DYNC2LI1: variants seen among roughly 807,000 people sequenced by gnomAD.
The protein encoded by DYNC2LI1 is dynein cytoplasmic 2 light intermediate chain 1.
A neutral mutation model predicts 51.9 loss-of-function variants in DYNC2LI1; 45 were observed. That is an observed-to-expected ratio of 0.87 (90% CI 0.68 to 1.11). The LOEUF (loss-of-function observed/expected upper bound fraction) is 1.11. DYNC2LI1 is among the 50% of genes most tolerant of loss of function. The pLI is 0.00. For missense variants in DYNC2LI1, 490 were observed against 417.4 expected (o/e 1.17, Z -1.51); for synonymous variants, 130 against 137.8 (o/e 0.94, Z 0.40).
the DYNC2LI1 span, among the ~76,000 whole-genome samples, chr2:43,820,509 C>T: frequency 7.2e-5 from 11 of 152,314 alleles, no homozygotes; most frequent in African/African-American, 2.4e-4. Flanking sequence ...CCAGCACCCC[C>T]TTCCCTGAAC....
At chr2:43,804,277 G>A (rs1666166497) in intron 10 of DYNC2LI1, among the ~76,000 whole-genome samples, 1 of 152,112 alleles carries the variant, frequency 6.6e-6, no homozygotes, top group Admixed American at 6.5e-5. Flanking sequence ...ATTTTTCACT[G>A]ATAACAAATT....
At chr2:43,814,442 C>T (rs1666686353), downstream of DYNC2LI1, 1 of 1,376,616 alleles carries the variant, frequency 7.3e-7, no homozygotes, top group African/African-American at 1.4e-5. Flanking sequence ...CTCAGAGTAA[C>T]ATGCAAAAAT....
downstream of DYNC2LI1, chr2:43,813,186 GA>G: frequency 6.4e-7 from 1 of 1,571,130 alleles, no homozygotes; most frequent in Non-Finnish European, 8.8e-7. Flanking sequence ...TGGAATAAAT[GA>G]ATACAAAATC....
intron 6 of DYNC2LI1, among the ~76,000 whole-genome samples, chr2:43,795,676 A>T (rs1674004092): frequency 1.3e-5 from 2 of 152,194 alleles, no homozygotes; most frequent in Non-Finnish European, 2.9e-5. Flanking sequence ...AATAAATATC[A>T]TAGTAATTTA....
chr2:43,817,008 C>G, the DYNC2LI1 span, among the ~76,000 whole-genome samples: 4 of 152,132 alleles, frequency 2.6e-5, no homozygotes, highest in African/African-American at 7.2e-5. Flanking sequence ...GGCAGTTCAC[C>G]CAGAAAGATG....
the DYNC2LI1 span, among the ~76,000 whole-genome samples, chr2:43,818,573 T>C: frequency 6.6e-6 from 1 of 152,162 alleles, no homozygotes; most frequent in African/African-American, 2.4e-5. Context: ...TCAAATAATA[T>C]AAAAGAGGAA....
At chr2:43,825,129 CAAG>C in the DYNC2LI1 span, 1 of 1,333,656 alleles carries the variant, frequency 7.5e-7, no homozygotes. Context: ...TTATGGTCAC[CAAG>C]TCCTTATGGG....
chr2:43,819,887 CTA>C, the DYNC2LI1 span: 1 of 1,612,324 alleles, frequency 6.2e-7, no homozygotes, highest in Non-Finnish European at 8.5e-7. Flanking sequence ...TTATCCCAAT[CTA>C]AATTTTTTGA....
intron 2 of DYNC2LI1, among the ~76,000 whole-genome samples, chr2:43,778,104 G>A (rs979979129): frequency 6.6e-5 from 10 of 151,784 alleles, no homozygotes; most frequent in South Asian, 6.2e-4. Context: ...TAAAATTATC[G>A]TAGAGATCAT....
chr2:43,785,377 A>G (rs1673477653), intron 3 of DYNC2LI1, among the ~76,000 whole-genome samples: 1 of 152,112 alleles, frequency 6.6e-6, no homozygotes, highest in African/African-American at 2.4e-5. Context: ...ATTCTGTCAC[A>G]TGCTACAACA....
chr2:43,774,694 G>C lies in DYNC2LI1; in HGVS notation c.8+548G>C, dbSNP rs140508744. Among the ~76,000 whole-genome samples the C allele has an allele frequency of 5.3e-5, 8 of 152,354 alleles. No individual in the cohort carries two copies. The East Asian group carries it at 1.5e-3, about 29-fold the overall frequency. On this transcript the variant is annotated intron_variant, in intron 1 of 12. Transcript: ENST00000260605. Reference sequence around the variant, plus strand: ...AATTTATGCTTAAGCACGTCGGGGAGAGGGGTCAGGGAGTGCATCACAGAG... The same window carrying C: ...AATTTATGCTTAAGCACGTCGGGGACAGGGGTCAGGGAGTGCATCACAGAG...
intron 1 of DYNC2LI1, 40 bp from the exon 2 acceptor site, chr2:43,776,742 T>G (rs1483760649): frequency 2.3e-6 from 2 of 888,338 alleles, no homozygotes; most frequent in South Asian, 3.4e-5. Context: ...TTGAAAGAAT[T>G]CTTTTTCCCT....
rs755445067 is a variant in DYNC2LI1, at chr2:43,787,267, G to A, written c.231+17G>A. Reference sequence around the variant, plus strand: ...CACAACACAGTAAGTGTCTTTTAAAGTGACATTGCTATGCCCATAGATGGG... The same window carrying A: ...CACAACACAGTAAGTGTCTTTTAAAATGACATTGCTATGCCCATAGATGGG... On this transcript the variant is annotated intron_variant, in intron 4 of 12. Coordinates refer to ENST00000260605, the MANE Select transcript of DYNC2LI1 (RefSeq NM_016008.4). 1.5e-5 allele frequency: 24 copies of A among 1,592,682 alleles called. 1 individual carries two copies. The East Asian group carries it at 4.3e-4, about 28-fold the overall frequency.
At chr2:43,792,200 A>G (rs768984573) in intron 5 of DYNC2LI1, among the ~76,000 whole-genome samples, 3 of 152,144 alleles carry the variant, frequency 2.0e-5, no homozygotes, top group Non-Finnish European at 4.4e-5. Context: ...TTGCCTAGAC[A>G]ATGTAATAGC....
chr2:43,774,323 AG>A (rs1391178001), intron 1 of DYNC2LI1, among the ~76,000 whole-genome samples, 177 bp downstream of exon 1: 1 of 152,216 alleles, frequency 6.6e-6, no homozygotes, highest in African/African-American at 2.4e-5. Flanking sequence ...CAAACAGGAA[AG>A]AAAAGAAAGT....
At chr2:43,824,944 GAAAT>G in the DYNC2LI1 span, 1 of 1,614,094 alleles carries the variant, frequency 6.2e-7, no homozygotes, top group East Asian at 2.2e-5. Context: ...AGTCATTGAA[GAAAT>G]CAAGCATTTC....
chr2:43,778,807 T>C (rs3792025), intron 2 of DYNC2LI1, among the ~76,000 whole-genome samples: 29,163 of 152,126 alleles, frequency 0.19, 3,100 homozygotes, highest in Admixed American at 0.26. Context: ...TTTTGTTTTG[T>C]TTTTTTGTTA....
chr2:43,814,148 C>T (rs1368029928), downstream of DYNC2LI1, among the ~76,000 whole-genome samples: 1 of 152,066 alleles, frequency 6.6e-6, no homozygotes, highest in Non-Finnish European at 1.5e-5. Flanking sequence ...AACAAGAAGC[C>T]ACTTCAGCCT....
At chr2:43,822,643 G>A in the DYNC2LI1 span, 2 of 982,304 alleles carry the variant, frequency 2.0e-6, no homozygotes, top group Non-Finnish European at 2.4e-6. Context: ...TAAAATTAAT[G>A]TCCTGGAAGA....
Sources: gnomAD v4.1 joint callset for allele counts (sites outside exome capture counted in the v4.1 genomes callset) on GRCh38, gnomAD v4.1.1 for gene constraint, MANE v1.5 for transcripts, NCBI Gene and HGNC (gene_info 2026-07-23, HGNC 2026-07-21) for gene names.